The following DACH2 variants were observed in gnomAD, a reference collection of about 807,000 sequenced individuals.
DACH2 encodes dachshund family transcription factor 2.
DACH2 carries 17 observed loss-of-function variants against 35.8 expected under a neutral mutation model. The ratio of observed to expected loss-of-function variants is 0.48; its 90% CI spans 0.33 to 0.71. DACH2 has a LOEUF of 0.71. Ranked by LOEUF, DACH2 falls within the 30% of genes least tolerant of loss-of-function variation. The pLI is 0.02. For synonymous variants in DACH2, 195 were observed against 177.3 expected, an observed-to-expected ratio of 1.10 and a Z score of -0.79; for missense variants, 469 against 472.7, an observed-to-expected ratio of 0.99 and a Z score of 0.07.
At chrX:86,458,123 C>T (rs2037507692) in intron 2 of DACH2, among the ~76,000 whole-genome samples, 1 of 112,015 alleles carries the variant, frequency 8.9e-6, no homozygotes, top group African/African-American at 3.2e-5. Flanking sequence ...AACTTTCTTA[C>T]TCATTGCTCT....
chrX:86,701,981 A>G (rs772042899), intron 5 of DACH2, among the ~76,000 whole-genome samples: 2 of 111,495 alleles, frequency 1.8e-5, no homozygotes, highest in Non-Finnish European at 3.8e-5. Flanking sequence ...CAGTTTACCT[A>G]TATAACAAAT....
intron 1 of DACH2, among the ~76,000 whole-genome samples, chrX:86,243,831 C>A (rs1026426902): frequency 9.0e-6 from 1 of 111,427 alleles, no homozygotes; most frequent in Non-Finnish European, 1.9e-5. Context: ...CAAATTAATT[C>A]GGGGGTGTAA....
chrX:86,180,175 C>CATATATATATATATATATATATATAT lies in DACH2; in HGVS notation c.488+31067_488+31068insATATATATATATATATATATATATAT, dbSNP rs1569292909. On this transcript the variant is annotated intron_variant, in intron 1 of 11. Transcript: ENST00000373125. ...ATGTCCCCTAGCAACCATGCTAAAC[C>CATATATATATATATATATATATATAT]GTATATATATATATATATATATATA... Among the ~76,000 whole-genome samples the CATATATATATATATATATATATATAT allele has an allele frequency of 5.8e-4, 9 of 15,594 alleles. 2 individuals are homozygous for CATATATATATATATATATATATATAT. Among genetic ancestry groups the CATATATATATATATATATATATATAT allele is most frequent in the African/African-American group, 2.2e-3 (9 of 4,171 alleles). 13.5% of individuals were successfully genotyped at this position (15,594 alleles called of 115,157 possible). A position where few individuals can be genotyped will look rare whatever the true frequency, so the allele number is the denominator to read the frequency against.
chrX:86,752,334 G>T (rs1328015020), intron 7 of DACH2, among the ~76,000 whole-genome samples: 1 of 111,330 alleles, frequency 9.0e-6, no homozygotes, highest in Non-Finnish European at 1.9e-5. Flanking sequence ...GTTATTAATT[G>T]CATTTCCTTG....
At chrX:86,648,702 G>A (rs1422972206) in intron 3 of DACH2, among the ~76,000 whole-genome samples, 1 of 110,334 alleles carries the variant, frequency 9.1e-6, no homozygotes, top group Non-Finnish European at 1.9e-5. Context: ...TATAAACTTA[G>A]CTCCAAGCTC....
chrX:86,245,919 C>A (rs922605749), intron 1 of DACH2, among the ~76,000 whole-genome samples: 2 of 111,419 alleles, frequency 1.8e-5, no homozygotes, highest in African/African-American at 6.5e-5. Flanking sequence ...TCCAAAGAAT[C>A]TTAGGAATCT....
At chrX:86,688,292 CA>C (rs2040972022) in intron 4 of DACH2, among the ~76,000 whole-genome samples, 1 of 110,916 alleles carries the variant, frequency 9.0e-6, no homozygotes, top group African/African-American at 3.3e-5. Context: ...TTTTGTTTTT[CA>C]TGTTTATTTC....
chrX:86,397,049 A>C (rs1170302180), intron 2 of DACH2, among the ~76,000 whole-genome samples: 1 of 109,984 alleles, frequency 9.1e-6, no homozygotes, highest in Admixed American at 9.7e-5. Context: ...ATTTGTTTGT[A>C]TCCTCTTTTA....
chrX:86,337,261 A>G (rs758139831), intron 1 of DACH2, among the ~76,000 whole-genome samples: 1 of 111,451 alleles, frequency 9.0e-6, no homozygotes, highest in Admixed American at 9.6e-5. Context: ...GAGCAACTCC[A>G]AGACACATAA....
chrX:86,365,762 G>A (rs1432893408), intron 1 of DACH2, among the ~76,000 whole-genome samples: 5 of 111,115 alleles, frequency 4.5e-5, no homozygotes, highest in African/African-American at 1.6e-4. Context: ...GTTTTATAAT[G>A]TTTGCACTTT....
At chrX:86,519,815 A>G (rs2038525695) in intron 3 of DACH2, among the ~76,000 whole-genome samples, 1 of 109,833 alleles carries the variant, frequency 9.1e-6, no homozygotes, top group Non-Finnish European at 1.9e-5. Context: ...CTAGTGGCCT[A>G]TGTATTTTAT....
intron 3 of DACH2, among the ~76,000 whole-genome samples, chrX:86,526,033 A>G (rs1244672041): frequency 1.8e-5 from 2 of 111,892 alleles, no homozygotes; most frequent in East Asian, 2.8e-4. Flanking sequence ...ACATAGCACA[A>G]TAAAGCTTTC....
chrX:86,470,920 C>T (rs1388987217), intron 2 of DACH2, among the ~76,000 whole-genome samples: 2 of 111,380 alleles, frequency 1.8e-5, no homozygotes, highest in African/African-American at 6.5e-5. Context: ...ACTAAAAACT[C>T]AGTAAACATT....
At chrX:86,357,963 G>C (rs182493894) in intron 1 of DACH2, among the ~76,000 whole-genome samples, 2 of 112,073 alleles carry the variant, frequency 1.8e-5, no homozygotes, top group East Asian at 5.7e-4. Flanking sequence ...AGGACAACTA[G>C]AAGTTTGTTG....
chrX:86,799,279 T>TC (rs2042268847), intron 7 of DACH2: 1 of 154,013 alleles, frequency 6.5e-6, no homozygotes, highest in South Asian at 1.4e-4. Flanking sequence ...CCCCAAACTG[T>TC]CCCCCTTTTC....
chrX:86,686,703 A>G (rs982345020), intron 4 of DACH2, among the ~76,000 whole-genome samples: 9 of 111,999 alleles, frequency 8.0e-5, no homozygotes, highest in Non-Finnish European at 1.3e-4. Context: ...CTACAATAAA[A>G]TATCTTTTAA....
chrX:86,730,801 T>A (rs567411634), intron 6 of DACH2, among the ~76,000 whole-genome samples: 2 of 112,012 alleles, frequency 1.8e-5, no homozygotes, highest in African/African-American at 6.5e-5. Context: ...TAAAAAGAAG[T>A]GAAACTACAT....
rs190967099 is a variant in DACH2 at position 86,354,004 on chromosome X, C to G, written c.489-22820C>G. Reference sequence around the variant, plus strand: ...TTGGTTCCATTCTCCACATCACTTTCAGGTACACCAATCAGACGTGTCTCA... The same window carrying G: ...TTGGTTCCATTCTCCACATCACTTTGAGGTACACCAATCAGACGTGTCTCA... On this transcript the variant is annotated intron_variant, in intron 1 of 11. Coordinates refer to ENST00000373125, the MANE Select transcript of DACH2 (RefSeq NM_053281.3). Among the ~76,000 whole-genome samples the G allele has an allele frequency of 1.4e-4, 6 of 43,065 alleles. 2 individuals are homozygous for G. Among genetic ancestry groups the G allele is most frequent in the Non-Finnish European group, 2.3e-4 (6 of 25,652 alleles). The allele number at this position is 43,065 out of a possible 115,157, so 37.4% of individuals were successfully genotyped here.
chrX:86,644,734 A>T (rs894047804), intron 3 of DACH2, among the ~76,000 whole-genome samples: 8 of 111,151 alleles, frequency 7.2e-5, no homozygotes, highest in African/African-American at 2.6e-4. Flanking sequence ...CCAATGGAAC[A>T]AAATAGAGAG....
Sources: allele counts gnomAD v4.1 joint callset (sites outside exome capture counted in the v4.1 genomes callset), GRCh38; gene constraint gnomAD v4.1.1; transcripts MANE v1.5; gene names NCBI Gene and HGNC (gene_info 2026-07-23, HGNC 2026-07-21).